The following CBFB variants were observed in gnomAD, a reference collection of about 807,000 sequenced individuals.
CBFB encodes core-binding factor subunit beta.
CBFB carries 9 observed loss-of-function variants against 30.4 expected under a neutral mutation model. The ratio of observed to expected loss-of-function variants is 0.30; its 90% CI spans 0.18 to 0.52. The LOEUF is 0.52. Ranked by LOEUF, CBFB falls within the 20% of genes least tolerant of loss-of-function variation. The pLI, the probability that CBFB is intolerant of heterozygous loss-of-function variation, is 0.97. For synonymous variants in CBFB, 94 were observed against 84.0 expected, an observed-to-expected ratio of 1.12 and a Z score of -0.65; for missense variants, 170 against 244.0, an observed-to-expected ratio of 0.70 and a Z score of 2.02.
At chr16:67,094,929 G>A (rs1961997559) in intron 5 of CBFB, among the ~76,000 whole-genome samples, 3 of 152,102 alleles carry the variant, frequency 2.0e-5, no homozygotes, top group Non-Finnish European at 4.4e-5. Flanking sequence ...AGAATTTTAA[G>A]AAAGAGGCCG....
At chr16:67,096,017 G>A (rs1962036926) in intron 5 of CBFB, among the ~76,000 whole-genome samples, 1 of 151,276 alleles carries the variant, frequency 6.6e-6, no homozygotes, top group African/African-American at 2.4e-5. Flanking sequence ...AAAACAAAAT[G>A]AGTTAATTCA....
At chr16:67,043,606 A>G (rs891484030) in intron 3 of CBFB, among the ~76,000 whole-genome samples, 2 of 152,226 alleles carry the variant, frequency 1.3e-5, no homozygotes, top group African/African-American at 2.4e-5. Context: ...AACTAATAAC[A>G]GTATAATAGA....
chr16:67,033,545 G>T (rs1428599170), intron 2 of CBFB, among the ~76,000 whole-genome samples: 2 of 151,132 alleles, frequency 1.3e-5, no homozygotes, highest in East Asian at 3.9e-4. Context: ...GTCTCCAACT[G>T]CTGGCCTCAA....
At position 67,029,975 on chromosome 16, in the gene CBFB, G is replaced by A. The variant is rs556915844; in HGVS notation, c.165+162G>A. On this transcript the variant is annotated intron_variant, in intron 2 of 5. Transcript: ENST00000412916. ...TCAAAATGCGAAACCAGATGCCGCG[G>A]GCCGGTACTCGCGGGGAGACGCTTT... 54 of 489,098 alleles carry A rather than the reference G, an allele frequency of 1.1e-4. 1 individual carries two copies. The highest frequency in any genetic ancestry group is 1.1e-3 in the African/African-American group (53 of 48,618). The allele number at this position is 489,098 out of a possible 1,614,324, so 30.3% of individuals were successfully genotyped here.
intron 2 of CBFB, among the ~76,000 whole-genome samples, chr16:67,036,123 A>G (rs1022835577): frequency 6.6e-6 from 1 of 152,184 alleles, no homozygotes. Flanking sequence ...GTCACATCCC[A>G]TGCCAATGTA....
chr16:67,031,477 A>G (rs953000755), intron 2 of CBFB, among the ~76,000 whole-genome samples: 1 of 152,194 alleles, frequency 6.6e-6, no homozygotes. Context: ...ATGCAAGTAT[A>G]AAAGATAAGT....
rs1962200854 is a variant in CBFB, at chr16:67,100,877, G to A, written c.*2099G>A. 5.0e-6 allele frequency: 1 copy of A among 200,710 alleles called. No homozygotes were observed. Among genetic ancestry groups the A allele is most frequent in the Non-Finnish European group, 1.0e-5 (1 of 97,248 alleles). The allele number at this position is 200,710 out of a possible 1,614,324, so 12.4% of individuals were successfully genotyped here. A position where few individuals can be genotyped will look rare whatever the true frequency, so the allele number is the denominator to read the frequency against. The stretch of plus-strand genomic sequence containing the variant: ...TGAAAACTACTTCTATTAAGTTATT[G>A]ATGCAATTTGATATTTTTTCATAAT... On this transcript the variant is annotated 3_prime_UTR_variant, in exon 6 of 6. Transcript: ENST00000412916.
At chr16:67,078,338 G>C (rs939422850) in intron 4 of CBFB, among the ~76,000 whole-genome samples, 1 of 152,054 alleles carries the variant, frequency 6.6e-6, no homozygotes, top group Non-Finnish European at 1.5e-5. Context: ...ACTTGATATT[G>C]GGAGTTCAAG....
intron 3 of CBFB, among the ~76,000 whole-genome samples, chr16:67,038,011 G>C (rs1597123685): frequency 6.6e-6 from 1 of 151,950 alleles, no homozygotes; most frequent in South Asian, 2.1e-4. Flanking sequence ...GTTGATTCTT[G>C]ATTGAGAAGT....
chr16:67,099,512 C>T lies in CBFB; in HGVS notation c.*734C>T. On this transcript the variant is annotated 3_prime_UTR_variant, in exon 6 of 6. Transcript: ENST00000412916. ...CAAGCGATCCTCCTGCCTTAGCCTC[C>T]CAGAGTACTGGGATTACAGGCTCTT... The T allele has an allele frequency of 9.9e-6, 2 of 202,814 alleles. No homozygotes were observed. The highest frequency in any genetic ancestry group is 1.5e-4 in the East Asian group (2 of 13,198). The allele number at this position is 202,814 out of a possible 1,614,324, so 12.6% of individuals were successfully genotyped here.
chr16:67,057,212 A>T (rs540212792), intron 3 of CBFB, among the ~76,000 whole-genome samples: 83 of 149,358 alleles, frequency 5.6e-4, no homozygotes, highest in Non-Finnish European at 8.3e-4. Flanking sequence ...CGAACTTCTG[A>T]CCTCAGATGA....
intron 3 of CBFB, among the ~76,000 whole-genome samples, chr16:67,040,310 A>C (rs1346691230): frequency 6.6e-6 from 1 of 152,148 alleles, no homozygotes; most frequent in Non-Finnish European, 1.5e-5. Context: ...TATTCTCTCA[A>C]CTGAGTTACC....
At chr16:67,045,714 A>G (rs1966613489) in intron 3 of CBFB, among the ~76,000 whole-genome samples, 1 of 151,974 alleles carries the variant, frequency 6.6e-6, no homozygotes, top group African/African-American at 2.4e-5. Flanking sequence ...CCTGAATTAC[A>G]TATTCCAAGT....
At chr16:67,048,106 G>A (rs1184856223) in intron 3 of CBFB, among the ~76,000 whole-genome samples, 1 of 152,146 alleles carries the variant, frequency 6.6e-6, no homozygotes, top group African/African-American at 2.4e-5. Context: ...CAGGCGTGGT[G>A]TCGCATGCCT....
chr16:67,090,206 G>T (rs538693880), intron 5 of CBFB, among the ~76,000 whole-genome samples: 2 of 152,250 alleles, frequency 1.3e-5, no homozygotes, highest in South Asian at 2.1e-4. Context: ...CTTGACCTGG[G>T]TGCTAGTTAG....
chr16:67,031,572 A>G (rs974417797), intron 2 of CBFB, among the ~76,000 whole-genome samples: 5 of 152,212 alleles, frequency 3.3e-5, no homozygotes, highest in African/African-American at 1.2e-4. Context: ...GCACAGCAGC[A>G]TGATCTTGGC....
Position 67,029,492 on chromosome 16 carries a change from CA to C in CBFB, c.78+8del. ...GCTGAGCCGCGAGTGTGAGGTGAGGCAGGCGGGCGGGCGGCTAGGAGGCCGC... is the reference window on the plus strand; with the variant it reads ...GCTGAGCCGCGAGTGTGAGGTGAGGCGGCGGGCGGGCGGCTAGGAGGCCGC... On this transcript the variant is annotated splice_region_variant and intron_variant, in intron 1 of 5. Coordinates refer to ENST00000412916, the MANE Select transcript of CBFB (RefSeq NM_022845.3). The C allele has an allele frequency of 6.3e-7, 1 of 1,582,826 alleles. No homozygotes were observed. Among genetic ancestry groups the C allele is most frequent in the South Asian group, 1.1e-5 (1 of 87,284 alleles).
Position 67,029,209 on chromosome 16 carries a change from C to A in CBFB, c.-199C>A. ...GCTGAGGCGGCGGCGGCGGCGGCGGCGGCGTGGGTTGGGCTCGAGCGGGCG... is the reference window on the plus strand; with the variant it reads ...GCTGAGGCGGCGGCGGCGGCGGCGGAGGCGTGGGTTGGGCTCGAGCGGGCG... On this transcript the variant is annotated 5_prime_UTR_variant, in exon 1 of 6. Transcript: ENST00000412916. 1 of 242,414 alleles carries A rather than the reference C, an allele frequency of 4.1e-6. No individual in the cohort carries two copies. Among genetic ancestry groups the A allele is most frequent in the Non-Finnish European group, 7.4e-6 (1 of 135,344 alleles). 15.0% of individuals were successfully genotyped at this position (242,414 alleles called of 1,614,324 possible). A position where few individuals can be genotyped will look rare whatever the true frequency, so the allele number is the denominator to read the frequency against.
intron 2 of CBFB, 72 bp downstream of exon 2, chr16:67,029,885 G>T: frequency 5.8e-6 from 6 of 1,040,500 alleles, no homozygotes; most frequent in Non-Finnish European, 7.9e-6. Context: ...GCCGGTTCCG[G>T]ACGGCGGCGC....
Sources: allele counts gnomAD v4.1 joint callset (sites outside exome capture counted in the v4.1 genomes callset), GRCh38; gene constraint gnomAD v4.1.1; transcripts MANE v1.5; gene names NCBI Gene and HGNC (gene_info 2026-07-23, HGNC 2026-07-21).